PCBP3: variants seen among roughly 807,000 people sequenced by gnomAD.
The protein encoded by PCBP3 is poly(rC)-binding protein 3.
A neutral mutation model predicts 52.7 loss-of-function variants in PCBP3; 25 were observed. That is an observed-to-expected ratio of 0.47 (90% CI 0.35 to 0.66). PCBP3 has a LOEUF of 0.66. Ranked by LOEUF, PCBP3 falls within the 30% of genes least tolerant of loss-of-function variation. The probability of loss-of-function intolerance (pLI) is 0.01; values close to 1 mark genes in which losing one functional copy is unlikely to be tolerated. For synonymous variants in PCBP3, 162 were observed against 183.0 expected, an observed-to-expected ratio of 0.89 and a Z score of 0.93; for missense variants, 391 against 490.3, an observed-to-expected ratio of 0.80 and a Z score of 1.91.
Position 45,805,045 on chromosome 21 carries a change from G to A in PCBP3, c.-125-44916G>A, listed in dbSNP as rs899307244. Among the ~76,000 whole-genome samples the A allele has an allele frequency of 1.3e-5, 2 of 152,200 alleles. No individual in the cohort carries two copies. The highest frequency in any genetic ancestry group is 2.9e-5 in the Non-Finnish European group (2 of 68,030). On this transcript the variant is annotated intron_variant, in intron 4 of 17. Transcript: ENST00000681687. The surrounding 1 kb of genome is among the most constrained non-coding windows in gnomAD (Gnocchi z 4.6). ...GATGCTGTGACCGCCTGATCCCGTGGTGATGGCACAGCCCTGCTGTGGGGA... is the reference window on the plus strand; with the variant it reads ...GATGCTGTGACCGCCTGATCCCGTGATGATGGCACAGCCCTGCTGTGGGGA...
intron 1 of PCBP3, among the ~76,000 whole-genome samples, chr21:45,659,920 C>G (rs2080274155): frequency 6.6e-6 from 1 of 152,014 alleles, no homozygotes; most frequent in South Asian, 2.1e-4. Context: ...GTGTTTTCTG[C>G]TTTTTGAATG....
intron 2 of PCBP3, among the ~76,000 whole-genome samples, chr21:45,696,799 A>G (rs2082807776): frequency 6.6e-6 from 1 of 152,122 alleles, no homozygotes; most frequent in African/African-American, 2.4e-5. Context: ...CAAGAAAAAA[A>G]AAAAAGGCAA....
chr21:45,678,533 A>G (rs1037342375), intron 2 of PCBP3, among the ~76,000 whole-genome samples: 1 of 152,040 alleles, frequency 6.6e-6, no homozygotes, highest in African/African-American at 2.4e-5. Flanking sequence ...GATGCCTTTA[A>G]GGGGTTCCAT....
chr21:45,929,957 C>T lies in PCBP3; in HGVS notation c.758C>T (p.Pro253Leu). The change falls in exon 14 of 18, where the codon CCC (proline) becomes CTC (leucine). Residue 253 changes from proline (P) to leucine (L), a missense_variant. By Grantham distance (98) the Pro-to-Leu change is moderately conservative. Coordinates refer to ENST00000681687, the MANE Select transcript of PCBP3 (RefSeq NM_001384156.1). ...CACCAGTTGGCCATGCAGCAAACCC[C>T]CTTTCCTCCCCTCGGACAGACCAAC... ...KLHQLAMQQT[P>L]FPPLGQTNPA... 6.2e-7 allele frequency: 1 copy of T among 1,613,934 alleles called. No homozygotes were observed. The highest frequency in any genetic ancestry group is 8.5e-7 in the Non-Finnish European group (1 of 1,179,960).
chr21:45,826,283 A>G (rs558435831), intron 4 of PCBP3, among the ~76,000 whole-genome samples: 21 of 152,304 alleles, frequency 1.4e-4, no homozygotes, highest in East Asian at 7.7e-4. Flanking sequence ...ATTAAATTAA[A>G]TAAAGCAGTG....
intron 5 of PCBP3, among the ~76,000 whole-genome samples, chr21:45,855,376 G>T (rs1031554841): frequency 3.3e-5 from 5 of 152,122 alleles, no homozygotes; most frequent in African/African-American, 9.7e-5. Flanking sequence ...ACACACATCC[G>T]CCCTCAAACA....
At chr21:45,808,310 A>G (rs557602561) in intron 4 of PCBP3, among the ~76,000 whole-genome samples, 1 of 152,362 alleles carries the variant, frequency 6.6e-6, no homozygotes, top group East Asian at 1.9e-4. Flanking sequence ...CAAAGGGTTA[A>G]TATCCAGAAT....
intron 5 of PCBP3, among the ~76,000 whole-genome samples, chr21:45,886,871 T>A (rs1305811129): frequency 2.6e-5 from 4 of 152,136 alleles, no homozygotes; most frequent in Admixed American, 2.0e-4. Flanking sequence ...CCGCATGGGG[T>A]TCGGGAGCCT....
chr21:45,934,779 G>T (rs2076701345), intron 15 of PCBP3, among the ~76,000 whole-genome samples: 2 of 152,208 alleles, frequency 1.3e-5, no homozygotes, highest in African/African-American at 4.8e-5. Flanking sequence ...GTCGGGTAGA[G>T]CCGTGTGGGC....
rs375263806 is a variant in PCBP3 at position 45,893,746 on chromosome 21, C to A, written c.11-2462C>A. The A allele has an allele frequency of 5.1e-6, 5 of 985,428 alleles. No homozygotes were observed. The African/African-American group carries it at 8.7e-5, about 17-fold the overall frequency. The allele number at this position is 985,428 out of a possible 1,614,324, so 61.0% of individuals were successfully genotyped here. ...GGACAGAGGGAGGGACCTGGATGGA[C>A]CAGAGCTCTGCCTGTTTCTGGAACA... On this transcript the variant is annotated intron_variant, in intron 5 of 17. Coordinates refer to ENST00000681687, the MANE Select transcript of PCBP3 (RefSeq NM_001384156.1).
rs372162238 is a variant in PCBP3 at position 45,774,131 on chromosome 21, G to A, written c.-126+18679G>A. ...ATCTAAAAGTTTTATGGGGCCGGGC[G>A]TGGTGGCTCACACCTGTAATCCTAG... is the stretch of plus-strand genomic sequence containing the variant. On this transcript the variant is annotated intron_variant, in intron 4 of 17. Transcript: ENST00000681687. Among the ~76,000 whole-genome samples, 8 of 152,194 alleles carry A rather than the reference G, an allele frequency of 5.3e-5. No individual in the cohort carries two copies. The South Asian group carries it at 6.2e-4, about 12-fold the overall frequency.
intron 2 of PCBP3, among the ~76,000 whole-genome samples, chr21:45,703,143 G>C (rs1197004096): frequency 6.6e-6 from 1 of 152,146 alleles, no homozygotes; most frequent in Non-Finnish European, 1.5e-5. Flanking sequence ...ATAAAGGATG[G>C]AACCCCTTAA....
chr21:45,646,105 C>CTGTGTGTGTGTGTGTG (rs1342511407), intron 1 of PCBP3, among the ~76,000 whole-genome samples: 77 of 92,952 alleles, frequency 8.3e-4, no homozygotes, highest in Middle Eastern at 4.9e-3. Flanking sequence ...CTCTCTCTCT[C>CTGTGTGTGTGTGTGTG]TCTGTGTGTG....
At chr21:45,806,195 G>A (rs1328097101) in intron 4 of PCBP3, among the ~76,000 whole-genome samples, 1 of 152,224 alleles carries the variant, frequency 6.6e-6, no homozygotes, top group African/African-American at 2.4e-5. Flanking sequence ...CCTCGTGGCA[G>A]GCTTGGTGCG....
At chr21:45,745,251 G>C (rs528369101) in intron 3 of PCBP3, among the ~76,000 whole-genome samples, 4 of 152,192 alleles carry the variant, frequency 2.6e-5, no homozygotes, top group African/African-American at 9.7e-5. Flanking sequence ...CTGAGGGGAC[G>C]GTGTGGGGCA....
intron 5 of PCBP3, among the ~76,000 whole-genome samples, chr21:45,876,844 A>C (rs534293537): frequency 6.6e-6 from 1 of 152,356 alleles, no homozygotes; most frequent in South Asian, 2.1e-4. Context: ...GACAGAGCAC[A>C]GCTAACGGGG....
intron 4 of PCBP3, among the ~76,000 whole-genome samples, chr21:45,797,421 G>C (rs4819148): frequency 3.8e-5 from 2 of 52,806 alleles, no homozygotes; most frequent in Admixed American, 4.2e-4. Flanking sequence ...GAGTGAATGC[G>C]TGGATGGACG....
intron 5 of PCBP3, chr21:45,893,929 T>G (rs1431253146): frequency 1.0e-6 from 1 of 985,334 alleles, no homozygotes. Flanking sequence ...CCATGGACAC[T>G]GGGCAGATGG....
rs1458173968 is a variant in PCBP3, at chr21:45,704,550, G to A, written c.-199-30842G>A. Reference sequence around the variant, plus strand: ...GAGTGCTGTCTGCTGCTGGCGGTGGGGGGCGGTGATCGGATATGGGAAGGA... The same window carrying A: ...GAGTGCTGTCTGCTGCTGGCGGTGGAGGGCGGTGATCGGATATGGGAAGGA... On this transcript the variant is annotated intron_variant, in intron 2 of 17. Transcript: ENST00000681687. The surrounding 1 kb of genome is among the most constrained non-coding windows in gnomAD (Gnocchi z 4.1). Among the ~76,000 whole-genome samples, 4 of 152,138 alleles carry A rather than the reference G, an allele frequency of 2.6e-5. No individual in the cohort carries two copies. Among genetic ancestry groups the A allele is most frequent in the Non-Finnish European group, 5.9e-5 (4 of 68,028 alleles).
Sources: allele counts gnomAD v4.1 joint callset (sites outside exome capture counted in the v4.1 genomes callset), GRCh38; gene constraint gnomAD v4.1.1; non-coding constraint Gnocchi (gnomAD v3.1); transcripts MANE v1.5; gene names NCBI Gene and HGNC (gene_info 2026-07-23, HGNC 2026-07-21).